The following FUT8 variants were observed in gnomAD, a reference collection of about 807,000 sequenced individuals.
FUT8 encodes alpha-(1,6)-fucosyltransferase.
FUT8 carries 29 observed loss-of-function variants against 71.3 expected under a neutral mutation model. The observed-to-expected ratio is 0.41, with a 90% CI of 0.30 to 0.55. FUT8 has a LOEUF of 0.55. Among genes scored for constraint, FUT8 ranks in the 20% least tolerant of loss-of-function variants. FUT8 has a pLI of 0.34. For missense variants in FUT8, 544 were observed against 702.1 expected (o/e 0.77, Z 2.55); for synonymous variants, 254 against 239.3 (o/e 1.06, Z -0.57).
intron 1 of FUT8, among the ~76,000 whole-genome samples, chr14:65,420,583 C>T (rs1006376613): frequency 6.6e-6 from 1 of 151,834 alleles, no homozygotes; most frequent in African/African-American, 2.4e-5. Context: ...TGTAAATGCA[C>T]GGTTGGAAAA....
chr14:65,568,484 C>T (rs187354611), intron 3 of FUT8, among the ~76,000 whole-genome samples: 83 of 151,074 alleles, frequency 5.5e-4, no homozygotes, highest in African/African-American at 2.0e-3. Context: ...CTATTTTTGT[C>T]ATTAATTTAA....
chr14:65,368,300 G>A, the FUT8 span, among the ~76,000 whole-genome samples: 3 of 120,264 alleles, frequency 2.5e-5, no homozygotes, highest in African/African-American at 8.7e-5. Context: ...TGATCCGCCC[G>A]CCTCGGCCTC....
intron 1 of FUT8, among the ~76,000 whole-genome samples, chr14:65,453,918 A>T (rs2065862017): frequency 6.6e-6 from 1 of 152,146 alleles, no homozygotes; most frequent in Non-Finnish European, 1.5e-5. Flanking sequence ...AGACTGCTGT[A>T]TTCTGCTTTG....
At chr14:65,515,741 G>C (rs1285668325) in intron 2 of FUT8, among the ~76,000 whole-genome samples, 2 of 152,104 alleles carry the variant, frequency 1.3e-5, no homozygotes, top group African/African-American at 4.8e-5. Flanking sequence ...ATCAATGTAT[G>C]TGTGGTACAT....
At chr14:65,675,276 T>TA (rs762936255) in intron 7 of FUT8, among the ~76,000 whole-genome samples, 6 of 152,332 alleles carry the variant, frequency 3.9e-5, no homozygotes, top group Admixed American at 1.3e-4. Context: ...GTTTATCCTG[T>TA]AAGTGCTTCT....
intron 7 of FUT8, among the ~76,000 whole-genome samples, chr14:65,686,270 G>A (rs1298098890): frequency 6.6e-6 from 1 of 152,166 alleles, no homozygotes; most frequent in Non-Finnish European, 1.5e-5. Context: ...TTTGCCTCTG[G>A]TGCCTGGAAT....
rs60092488 is a variant in FUT8 at position 65,699,145 on chromosome 14, T to TACACACACAC, written c.836-22585_836-22576dup. On this transcript the variant is annotated intron_variant, in intron 7 of 10. Transcript: ENST00000673929. ...TGTCATGTAAACACTCCCTCCCTTC[T>TACACACACAC]ACACACACACACACACACACACACA... Among the ~76,000 whole-genome samples, 276 of 132,114 alleles carry TACACACACAC rather than the reference T, an allele frequency of 2.1e-3. 3 individuals carry two copies. Among genetic ancestry groups the TACACACACAC allele is most frequent in the African/African-American group, 5.6e-3 (191 of 33,856 alleles). 86.7% of individuals were successfully genotyped at this position (132,114 alleles called of 152,430 possible).
intron 9 of FUT8, among the ~76,000 whole-genome samples, chr14:65,727,674 A>G (rs531636784): frequency 2.0e-5 from 3 of 152,196 alleles, no homozygotes; most frequent in Admixed American, 6.5e-5. Flanking sequence ...CATTTTCCCC[A>G]TTGTATTGGT....
rs1243582050 is a variant in FUT8 at position 65,555,754 on chromosome 14, AAT to A, written c.-227-5580_-227-5579del. 5.3e-5 allele frequency among the ~76,000 whole-genome samples: 8 copies of A among 152,294 alleles called. No homozygotes were observed. The East Asian group carries it at 1.3e-3, about 26-fold the overall frequency. Reference sequence around the variant, plus strand: ...CCAATATCTGAAAACAGTTTTTCTAAATATGTTTTTTAAAGTTTTCTAGTTTA... The same window carrying A: ...CCAATATCTGAAAACAGTTTTTCTAAATGTTTTTTAAAGTTTTCTAGTTTA... On this transcript the variant is annotated intron_variant, in intron 2 of 10. Coordinates refer to ENST00000673929, the MANE Select transcript of FUT8 (RefSeq NM_001371533.1).
chr14:65,629,454 C>A, intron 5 of FUT8, 38 bp from the exon 6 acceptor site: 1 of 1,333,002 alleles, frequency 7.5e-7, no homozygotes, highest in Non-Finnish European at 1.1e-6. Flanking sequence ...TGAAGCAGTA[C>A]AGACAAGTTC....
intron 3 of FUT8, among the ~76,000 whole-genome samples, chr14:65,587,348 A>G (rs1376496536): frequency 6.6e-6 from 1 of 152,240 alleles, no homozygotes; most frequent in African/African-American, 2.4e-5. Flanking sequence ...ATATGACTTA[A>G]GTCAAATATT....
intron 2 of FUT8, among the ~76,000 whole-genome samples, chr14:65,540,439 GA>G (rs1395997829): frequency 4.6e-5 from 7 of 152,154 alleles, no homozygotes; most frequent in African/African-American, 1.4e-4. Flanking sequence ...CCACTTTATT[GA>G]AAGTGTAATA....
chr14:65,543,600 TC>T (rs1884815635), intron 2 of FUT8, among the ~76,000 whole-genome samples: 1 of 152,274 alleles, frequency 6.6e-6, no homozygotes, highest in East Asian at 1.9e-4. Flanking sequence ...AGTCATTCTT[TC>T]GTTCTTTCTT....
At chr14:65,630,555 TATTTG>T (rs935058198) in intron 6 of FUT8, among the ~76,000 whole-genome samples, 1 of 152,290 alleles carries the variant, frequency 6.6e-6, no homozygotes, top group African/African-American at 2.4e-5. Flanking sequence ...TGAACTTGAT[TATTTG>T]AAGAGACTAG....
chr14:65,379,309 C>T, the FUT8 span, among the ~76,000 whole-genome samples: 1 of 152,012 alleles, frequency 6.6e-6, no homozygotes, highest in Admixed American at 6.5e-5. Context: ...GCGAGCAGAT[C>T]ACTTGAGGTC....
intron 2 of FUT8, among the ~76,000 whole-genome samples, chr14:65,516,656 A>T (rs956795341): frequency 6.6e-6 from 1 of 152,154 alleles, no homozygotes; most frequent in Non-Finnish European, 1.5e-5. Context: ...ATAATTTTAC[A>T]TTGAATATAC....
intron 6 of FUT8, among the ~76,000 whole-genome samples, chr14:65,633,004 T>TC (rs376298224): frequency 0.054 from 4,208 of 77,710 alleles, 108 homozygotes; most frequent in Admixed American, 0.084. Flanking sequence ...CCCTCTCCCC[T>TC]CCCCCCCCCC....
At chr14:65,655,201 C>T (rs536328187) in intron 6 of FUT8, among the ~76,000 whole-genome samples, 20 of 151,874 alleles carry the variant, frequency 1.3e-4, no homozygotes, top group African/African-American at 4.8e-4. Flanking sequence ...GGGCTGGGCA[C>T]GGTTGCTCAC....
Position 65,603,606 on chromosome 14 carries a change from T to C in FUT8, c.204-12372T>C, listed in dbSNP as rs903117982. Among the ~76,000 whole-genome samples the C allele has an allele frequency of 2.0e-5, 3 of 151,864 alleles. No individual in the cohort carries two copies. Among genetic ancestry groups the C allele is most frequent in the Admixed American group, 6.6e-5 (1 of 15,178 alleles). Reference sequence around the variant, plus strand: ...CAATGACCATAAGCTCATTTTCTAATTGAGCTTCTTTGGATCTTCTCTCTT... The same window carrying C: ...CAATGACCATAAGCTCATTTTCTAACTGAGCTTCTTTGGATCTTCTCTCTT... On this transcript the variant is annotated intron_variant, in intron 3 of 10. Transcript: ENST00000673929. The surrounding 1 kb of genome is among the most constrained non-coding windows in gnomAD (Gnocchi z 4.5).
Sources: allele counts gnomAD v4.1 joint callset (sites outside exome capture counted in the v4.1 genomes callset), GRCh38; gene constraint gnomAD v4.1.1; non-coding constraint Gnocchi (gnomAD v3.1); transcripts MANE v1.5; gene names NCBI Gene and HGNC (gene_info 2026-07-23, HGNC 2026-07-21).